MTMR7: variants seen among roughly 807,000 people sequenced by gnomAD.
The protein encoded by MTMR7 is phosphatidylinositol-3-phosphate phosphatase MTMR7.
A neutral mutation model predicts 81.2 loss-of-function variants in MTMR7; 76 were observed. That is an observed-to-expected ratio of 0.94 (90% CI 0.78 to 1.13). The LOEUF is 1.13. MTMR7 is among the 50% of genes most tolerant of loss of function. The pLI is 0.00. For synonymous variants in MTMR7, 372 were observed against 289.8 expected, an observed-to-expected ratio of 1.28 and a Z score of -2.88; for missense variants, 1,044 against 820.0, an observed-to-expected ratio of 1.27 and a Z score of -3.34.
chr8:17,402,421 C>A (rs546580115), intron 1 of MTMR7, among the ~76,000 whole-genome samples: 2 of 152,266 alleles, frequency 1.3e-5, no homozygotes, highest in South Asian at 4.1e-4. Flanking sequence ...ACTACCTTCC[C>A]CAGCCTCTGA....
At chr8:17,393,859 C>T (rs768317908) in intron 1 of MTMR7, among the ~76,000 whole-genome samples, 5 of 152,002 alleles carry the variant, frequency 3.3e-5, no homozygotes, top group South Asian at 2.1e-4. Context: ...TTAACACAAA[C>T]GTTGAAGATA....
In MTMR7 at chr8:17,399,067, A is replaced by G. The variant is rs1356048102; in HGVS notation, c.24+14202T>C. Among the ~76,000 whole-genome samples, 3 of 152,284 alleles carry G rather than the reference A, an allele frequency of 2.0e-5. No homozygotes were observed. In the East Asian group the frequency reaches 5.8e-4, roughly 29 times the overall value. ...TGAAAGCCTTTTGTCTACGATCTGGAACACAGGAAGCATGCTCATTGTCAC... is the reference window on the plus strand; with the variant it reads ...TGAAAGCCTTTTGTCTACGATCTGGGACACAGGAAGCATGCTCATTGTCAC... On this transcript the variant is annotated intron_variant, in intron 1 of 13. Coordinates refer to ENST00000180173, the MANE Select transcript of MTMR7 (RefSeq NM_004686.5).
chr8:17,394,005 C>T (rs147919446), intron 1 of MTMR7, among the ~76,000 whole-genome samples: 78 of 152,192 alleles, frequency 5.1e-4, no homozygotes, highest in African/African-American at 1.8e-3. Context: ...CACAAGATAC[C>T]GCTTCACACC....
At position 17,315,830 on chromosome 8, in the gene MTMR7, A is replaced by G. The variant is rs1228632346; in HGVS notation, c.866-2429T>C. On this transcript the variant is annotated intron_variant, in intron 7 of 13. Transcript: ENST00000180173. ...AGTTCAAGAACAGCCTATATAAAGTAGTGAGACTCAGGCTCTACAAAAAAG... is the reference window on the plus strand; with the variant it reads ...AGTTCAAGAACAGCCTATATAAAGTGGTGAGACTCAGGCTCTACAAAAAAG... Among the ~76,000 whole-genome samples, 4 of 152,170 alleles carry G rather than the reference A, an allele frequency of 2.6e-5. No homozygotes were observed. The East Asian group carries it at 7.7e-4, about 29-fold the overall frequency.
intron 7 of MTMR7, among the ~76,000 whole-genome samples, chr8:17,324,417 C>T (rs1818564501): frequency 1.3e-5 from 2 of 152,196 alleles, no homozygotes; most frequent in Admixed American, 1.3e-4. Flanking sequence ...GTTTCCCAGG[C>T]CATCCATGGT....
At chr8:17,376,406 A>G (rs924884541) in intron 1 of MTMR7, among the ~76,000 whole-genome samples, 1 of 152,236 alleles carries the variant, frequency 6.6e-6, no homozygotes, top group South Asian at 2.1e-4. Context: ...ACTTTTGAGC[A>G]TAAGTTTTTG....
At chr8:17,311,409 A>G in intron 9 of MTMR7, 102 bp downstream of exon 9, 1 of 1,501,096 alleles carries the variant, frequency 6.7e-7, no homozygotes, top group African/African-American at 1.4e-5. Flanking sequence ...TAAAAGAAAA[A>G]TAATGCTGGC....
At chr8:17,348,565 A>C (rs1299244508) in intron 5 of MTMR7, among the ~76,000 whole-genome samples, 1 of 151,028 alleles carries the variant, frequency 6.6e-6, no homozygotes, top group East Asian at 2.0e-4. Context: ...AAAAAAAAAA[A>C]AAACGTAATA....
intron 4 of MTMR7, among the ~76,000 whole-genome samples, chr8:17,354,254 A>G (rs1196096500): frequency 1.3e-5 from 2 of 152,246 alleles, no homozygotes; most frequent in African/African-American, 4.8e-5. Context: ...AAAATGACAT[A>G]TATGTGAATA....
At chr8:17,316,131 A>G (rs1285264376) in intron 7 of MTMR7, among the ~76,000 whole-genome samples, 3 of 152,178 alleles carry the variant, frequency 2.0e-5, no homozygotes, top group African/African-American at 7.2e-5. Context: ...CATACTAGCT[A>G]TGTGGGCTTG....
intron 7 of MTMR7, among the ~76,000 whole-genome samples, chr8:17,316,498 G>A (rs1247664786): frequency 6.7e-6 from 1 of 148,576 alleles, no homozygotes; most frequent in South Asian, 2.1e-4. Flanking sequence ...CAGTCTCCTT[G>A]TGGAAAGTCT....
intron 1 of MTMR7, among the ~76,000 whole-genome samples, chr8:17,406,536 G>C (rs902002419): frequency 6.6e-6 from 1 of 152,136 alleles, no homozygotes; most frequent in Non-Finnish European, 1.5e-5. Context: ...ATTATTGTCG[G>C]GGTTCTGAAA....
At chr8:17,358,043 T>C (rs1317960130) in intron 4 of MTMR7, among the ~76,000 whole-genome samples, 3 of 151,980 alleles carry the variant, frequency 2.0e-5, no homozygotes, top group African/African-American at 7.3e-5. Context: ...CATCCAGTCA[T>C]AGACATGAAA....
chr8:17,333,116 A>G (rs1819098128), intron 6 of MTMR7, among the ~76,000 whole-genome samples: 1 of 152,210 alleles, frequency 6.6e-6, no homozygotes, highest in East Asian at 1.9e-4. Flanking sequence ...GCCCTGCTCC[A>G]TGACGTGGCT....
chr8:17,305,328 C>T (rs1817380045), intron 11 of MTMR7, among the ~76,000 whole-genome samples: 1 of 152,178 alleles, frequency 6.6e-6, no homozygotes. Context: ...AATTTATCTA[C>T]TTTTACCCTT....
At chr8:17,396,969 T>G (rs1359987022) in intron 1 of MTMR7, among the ~76,000 whole-genome samples, 2 of 151,796 alleles carry the variant, frequency 1.3e-5, no homozygotes, top group Admixed American at 1.3e-4. Flanking sequence ...AGACACACCT[T>G]GGGACAGAAG....
At chr8:17,371,234 C>G in intron 2 of MTMR7, 35 bp from the exon 3 acceptor site, 2 of 1,601,186 alleles carry the variant, frequency 1.2e-6, no homozygotes, top group Non-Finnish European at 1.7e-6. Context: ...AAGCTAAGCA[C>G]AAATAACTAA....
chr8:17,356,153 T>C (rs1031493980), intron 4 of MTMR7, among the ~76,000 whole-genome samples: 2 of 152,210 alleles, frequency 1.3e-5, no homozygotes, highest in Non-Finnish European at 2.9e-5. Context: ...AAAGGTATTA[T>C]ACTATATTCA....
At position 17,371,051 on chromosome 8, in the gene MTMR7, C is replaced by T. The variant is rs55985080; in HGVS notation, c.296G>A (p.Arg99His). 1.1e-5 allele frequency: 18 copies of T among 1,612,786 alleles called. No homozygotes were observed. The highest frequency in any genetic ancestry group is 3.3e-5 in the Admixed American group (2 of 59,860). ...CTCTGCCCTACCTGGCCTTGCAAGG[C>T]GTATCAGGGAGATGTACACGTCGTG... ...DCHDVYISLIRLARPVKYEEL... is the reference protein window; with the variant it reads ...DCHDVYISLIHLARPVKYEEL... The change falls in exon 3 of 14, where the codon CGC (arginine) becomes CAC (histidine). Residue 99 changes from arginine to histidine, a missense_variant. Transcript: ENST00000180173.
Sources: allele counts gnomAD v4.1 joint callset (sites outside exome capture counted in the v4.1 genomes callset), GRCh38; gene constraint gnomAD v4.1.1; transcripts MANE v1.5; gene names NCBI Gene and HGNC (gene_info 2026-07-23, HGNC 2026-07-21).